SLC39A11: variants seen among roughly 807,000 people sequenced by gnomAD.
SLC39A11 encodes the protein solute carrier family 39 member 11, also known as zinc transporter ZIP11.
Under a neutral mutation model 36.1 loss-of-function variants are expected in SLC39A11, and 33 were observed. The observed-to-expected ratio is 0.91, with a 90% CI of 0.69 to 1.22. SLC39A11 has a LOEUF of 1.22. Ranked by LOEUF, SLC39A11 falls within the 50% of genes most tolerant of loss-of-function variation. The pLI is 0.00. For synonymous variants in SLC39A11, 166 were observed against 170.3 expected, an observed-to-expected ratio of 0.97 and a Z score of 0.20; for missense variants, 432 against 430.3, an observed-to-expected ratio of 1.00 and a Z score of -0.03.
At chr17:72,858,385 G>T (rs898540065) in intron 5 of SLC39A11, among the ~76,000 whole-genome samples, 2 of 152,060 alleles carry the variant, frequency 1.3e-5, no homozygotes, top group Non-Finnish European at 2.9e-5. Context: ...GTAGTCCTAT[G>T]GTATAGTTTG....
intron 7 of SLC39A11, among the ~76,000 whole-genome samples, chr17:72,701,342 T>C (rs2072607224): frequency 6.6e-6 from 1 of 152,130 alleles, no homozygotes; most frequent in African/African-American, 2.4e-5. Flanking sequence ...GACGTGGTGT[T>C]GAGGGACCAT....
chr17:72,646,592 T>TC lies in SLC39A11; in HGVS notation c.*991_*992insG, dbSNP rs2069573277. On this transcript the variant is annotated 3_prime_UTR_variant, in exon 10 of 10. Transcript: ENST00000255559. ...AAGGCCTGTTGCAGCTCAAGAGTTT[T>TC]TGTCAGATTATAAGTTACCAAATGG... The TC allele has an allele frequency of 8.0e-6, 1 of 124,638 alleles. No homozygotes were observed. The highest frequency in any genetic ancestry group is 1.8e-5 in the Non-Finnish European group (1 of 55,026). 7.7% of individuals were successfully genotyped at this position (124,638 alleles called of 1,614,324 possible). A position where few individuals can be genotyped will look rare whatever the true frequency, so the allele number is the denominator to read the frequency against.
Position 72,861,675 on chromosome 17 carries a change from ATATATATATATAT to A in SLC39A11, c.431-11884_431-11872del, listed in dbSNP as rs1567841921. ...CAACACATTATATATATATATATAT[ATATATATATATAT>A]AAAATATATATATTGGATATATATA... On this transcript the variant is annotated intron_variant, in intron 5 of 9. Transcript: ENST00000255559. 9.9e-4 allele frequency among the ~76,000 whole-genome samples: 121 copies of A among 122,688 alleles called. 4 individuals carry two copies. Among genetic ancestry groups the A allele is most frequent in the African/African-American group, 3.6e-3 (114 of 31,750 alleles). 80.5% of individuals were successfully genotyped at this position (122,688 alleles called of 152,430 possible).
chr17:72,737,799 A>G (rs1432332456), intron 6 of SLC39A11, among the ~76,000 whole-genome samples: 2 of 151,974 alleles, frequency 1.3e-5, no homozygotes, highest in Admixed American at 1.3e-4. Flanking sequence ...CCATCCCTAG[A>G]TCCATCGCAG....
chr17:73,089,350 C>T (rs2060849647), intron 1 of SLC39A11, among the ~76,000 whole-genome samples: 2 of 152,200 alleles, frequency 1.3e-5, no homozygotes, highest in Non-Finnish European at 2.9e-5. Context: ...TGCACGAGCA[C>T]CCAACTCCAG....
At chr17:72,965,376 C>A (rs1419452716) in intron 4 of SLC39A11, among the ~76,000 whole-genome samples, 3 of 152,044 alleles carry the variant, frequency 2.0e-5, no homozygotes, top group African/African-American at 7.2e-5. Context: ...GCGTTTCAAG[C>A]TTTTTTGACT....
At chr17:72,653,047 G>A (rs1228966541) in intron 7 of SLC39A11, among the ~76,000 whole-genome samples, 1 of 152,136 alleles carries the variant, frequency 6.6e-6, no homozygotes, top group Admixed American at 6.5e-5. Flanking sequence ...GCTGCTGGAA[G>A]GGAGTAGGGG....
intron 6 of SLC39A11, among the ~76,000 whole-genome samples, chr17:72,805,548 G>A (rs2077222339): frequency 6.6e-6 from 1 of 152,082 alleles, no homozygotes; most frequent in Non-Finnish European, 1.5e-5. Context: ...AGGAGTGCGG[G>A]AGGCCTGGTG....
chr17:72,725,116 G>A (rs374629538), intron 7 of SLC39A11, among the ~76,000 whole-genome samples: 1 of 152,176 alleles, frequency 6.6e-6, no homozygotes, highest in Admixed American at 6.5e-5. Flanking sequence ...TTCCCAGAAC[G>A]CATGCAATAA....
chr17:72,751,425 C>T (rs1452998713), intron 6 of SLC39A11, among the ~76,000 whole-genome samples: 1 of 152,104 alleles, frequency 6.6e-6, no homozygotes, highest in African/African-American at 2.4e-5. Context: ...TAGGTTCTTT[C>T]CTTCCTTCCT....
At chr17:72,961,012 C>A (rs1214602474) in intron 4 of SLC39A11, among the ~76,000 whole-genome samples, 3 of 152,128 alleles carry the variant, frequency 2.0e-5, no homozygotes, top group African/African-American at 7.2e-5. Context: ...TTTCCTGACT[C>A]CAGGAACACG....
At position 72,692,143 on chromosome 17, in the gene SLC39A11, C is replaced by A. The variant is rs532435629; in HGVS notation, c.672-42875G>T. 1.1e-4 allele frequency among the ~76,000 whole-genome samples: 16 copies of A among 152,032 alleles called. No homozygotes were observed. The East Asian group carries it at 3.1e-3, about 29-fold the overall frequency. On this transcript the variant is annotated intron_variant, in intron 7 of 9. Coordinates refer to ENST00000255559, the MANE Select transcript of SLC39A11 (RefSeq NM_139177.4). The stretch of plus-strand genomic sequence containing the variant: ...CTTCTGCCTCAGCCTTCCTGAGTAG[C>A]TGGGACTACAGGTGCCTGCCACCAC...
chr17:73,009,901 C>T (rs541455117), intron 4 of SLC39A11, among the ~76,000 whole-genome samples: 13 of 151,668 alleles, frequency 8.6e-5, no homozygotes, highest in East Asian at 3.9e-4. Flanking sequence ...CCCCACCCCA[C>T]GACAGGCCCC....
At chr17:72,665,509 G>A (rs1182613069) in intron 7 of SLC39A11, among the ~76,000 whole-genome samples, 2 of 145,920 alleles carry the variant, frequency 1.4e-5, no homozygotes, top group Non-Finnish European at 3.0e-5. Context: ...TCCCATCTCA[G>A]CCTCTGAAGA....
At chr17:72,876,896 C>CTTG (rs1166863004) in intron 5 of SLC39A11, among the ~76,000 whole-genome samples, 3 of 152,194 alleles carry the variant, frequency 2.0e-5, no homozygotes, top group African/African-American at 7.2e-5. Context: ...CTAGACCAAA[C>CTTG]CCCTGGTTTC....
chr17:72,712,402 A>T (rs1252368089), intron 7 of SLC39A11, among the ~76,000 whole-genome samples: 2 of 152,258 alleles, frequency 1.3e-5, no homozygotes, highest in African/African-American at 2.4e-5. Flanking sequence ...AGACCAAAGA[A>T]AAATAACAAC....
At chr17:72,748,098 G>T (rs2075013504) in intron 6 of SLC39A11, among the ~76,000 whole-genome samples, 1 of 152,194 alleles carries the variant, frequency 6.6e-6, no homozygotes. Context: ...GAGGCGGGTG[G>T]ATCACCTGAG....
At chr17:72,863,917 CA>C (rs1178671956) in intron 5 of SLC39A11, among the ~76,000 whole-genome samples, 1 of 152,176 alleles carries the variant, frequency 6.6e-6, no homozygotes, top group African/African-American at 2.4e-5. Flanking sequence ...TGACTTTAAC[CA>C]TCCCTCTCTG....
At chr17:72,670,370 C>CAAA (rs71154904) in intron 7 of SLC39A11, among the ~76,000 whole-genome samples, 3 of 136,560 alleles carry the variant, frequency 2.2e-5, no homozygotes, top group African/African-American at 8.2e-5. Context: ...GACCCTGTCT[C>CAAA]AAAAAAAAAA....
Sources: gnomAD v4.1 joint callset for allele counts (sites outside exome capture counted in the v4.1 genomes callset) on GRCh38, gnomAD v4.1.1 for gene constraint, MANE v1.5 for transcripts, NCBI Gene and HGNC (gene_info 2026-07-23, HGNC 2026-07-21) for gene names.